ATRNL1: variants seen among roughly 807,000 people sequenced by gnomAD.
ATRNL1 encodes the protein attractin like 1, also known as attractin-like protein 1.
ATRNL1 carries 95 observed loss-of-function variants against 182.7 expected under a neutral mutation model. The ratio of observed to expected loss-of-function variants is 0.52; its 90% CI spans 0.44 to 0.62. The LOEUF is 0.62. Ranked by LOEUF, ATRNL1 falls within the 20% of genes least tolerant of loss-of-function variation. The pLI, the probability that ATRNL1 is intolerant of heterozygous loss-of-function variation, is 0.00. For missense variants in ATRNL1, 1,471 were observed against 1,679.5 expected (o/e 0.88, Z 2.17); for synonymous variants, 576 against 568.3 (o/e 1.01, Z -0.19).
In ATRNL1 at chr10:115,492,990, A is replaced by G. The variant is rs572620584; in HGVS notation, c.3654+23661A>G. Reference sequence around the variant, plus strand: ...AAATGTTCATTAGCTTCATTTTGTCATTCATATGTATATGTAAAACAACAT... The same window carrying G: ...AAATGTTCATTAGCTTCATTTTGTCGTTCATATGTATATGTAAAACAACAT... On this transcript the variant is annotated intron_variant, in intron 24 of 28. Transcript: ENST00000355044. Among the ~76,000 whole-genome samples, 4 of 152,274 alleles carry G rather than the reference A, an allele frequency of 2.6e-5. No homozygotes were observed. In the South Asian group the frequency reaches 8.3e-4, roughly 32 times the overall value.
chr10:115,131,660 T>G (rs1554875213), intron 5 of ATRNL1, among the ~76,000 whole-genome samples: 1 of 152,178 alleles, frequency 6.6e-6, no homozygotes, highest in Admixed American at 6.5e-5. Context: ...CATGTGAAAA[T>G]GCGGACTGCC....
chr10:115,720,677 A>T (rs781657463), intron 26 of ATRNL1, among the ~76,000 whole-genome samples: 1 of 152,210 alleles, frequency 6.6e-6, no homozygotes, highest in Non-Finnish European at 1.5e-5. Flanking sequence ...GTGGCATTGC[A>T]TATACACCAA....
At chr10:115,551,767 T>A (rs1456500273) in intron 26 of ATRNL1, among the ~76,000 whole-genome samples, 3 of 151,518 alleles carry the variant, frequency 2.0e-5, no homozygotes, top group African/African-American at 7.2e-5. Context: ...TCTTTGATGA[T>A]TATTAAAGAT....
At chr10:115,844,296 G>A (rs1222579697) in intron 27 of ATRNL1, among the ~76,000 whole-genome samples, 2 of 152,038 alleles carry the variant, frequency 1.3e-5, no homozygotes, top group Admixed American at 1.3e-4. Context: ...GTGATTTACA[G>A]AAGTGAATCC....
intron 27 of ATRNL1, among the ~76,000 whole-genome samples, chr10:115,769,670 A>G (rs187368103): frequency 6.6e-6 from 1 of 152,156 alleles, no homozygotes; most frequent in African/African-American, 2.4e-5. Flanking sequence ...CAGATCTATC[A>G]TCTGATAACT....
At chr10:115,097,657 G>GTC (rs782279953) in intron 1 of ATRNL1, among the ~76,000 whole-genome samples, 7 of 152,174 alleles carry the variant, frequency 4.6e-5, no homozygotes, top group Admixed American at 6.5e-5. Flanking sequence ...CTGGCTTGGT[G>GTC]TCTCACGCCT....
At chr10:115,127,759 T>C in intron 4 of ATRNL1, 38 bp downstream of exon 4, 1 of 1,308,308 alleles carries the variant, frequency 7.6e-7, no homozygotes, top group South Asian at 1.9e-5. Flanking sequence ...TTAATGATTC[T>C]TGTAATTTAA....
chr10:115,163,218 C>T (rs1223044151), intron 6 of ATRNL1, among the ~76,000 whole-genome samples: 11 of 151,430 alleles, frequency 7.3e-5, no homozygotes, highest in African/African-American at 1.9e-4. Context: ...TGTTATTCTT[C>T]GGCTTATCAA....
chr10:115,337,676 T>G (rs1039422302), intron 19 of ATRNL1, among the ~76,000 whole-genome samples: 1 of 152,218 alleles, frequency 6.6e-6, no homozygotes, highest in Non-Finnish European at 1.5e-5. Flanking sequence ...CTTATTTCAC[T>G]TAACATAGTG....
intron 25 of ATRNL1, among the ~76,000 whole-genome samples, 170 bp downstream of exon 25, chr10:115,519,494 G>T (rs1850809101): frequency 6.6e-6 from 1 of 152,054 alleles, no homozygotes; most frequent in African/African-American, 2.4e-5. Context: ...TAACATAGCT[G>T]AAATGTACTT....
chr10:115,856,998 C>CTCCTTT (rs1204165936), intron 28 of ATRNL1, among the ~76,000 whole-genome samples: 1 of 152,138 alleles, frequency 6.6e-6, no homozygotes, highest in African/African-American at 2.4e-5. Context: ...AGACCAGCCT[C>CTCCTTT]TCCTTTTCCT....
At position 115,945,329 on chromosome 10, in the gene ATRNL1, C is replaced by G. The variant is rs1203645694; in HGVS notation, c.*550C>G. 1 of 152,138 alleles carries G rather than the reference C, an allele frequency of 6.6e-6. No homozygotes were observed. Among genetic ancestry groups the G allele is most frequent in the Non-Finnish European group, 1.5e-5 (1 of 68,040 alleles). 9.4% of individuals were successfully genotyped at this position (152,138 alleles called of 1,614,324 possible). A position where few individuals can be genotyped will look rare whatever the true frequency, so the allele number is the denominator to read the frequency against. The stretch of plus-strand genomic sequence containing the variant: ...CATATGACCATATCGTGTCCAAACT[C>G]AGTCTGAGAATGTGACAGCTTTCCG... On this transcript the variant is annotated 3_prime_UTR_variant, in exon 29 of 29. Coordinates refer to ENST00000355044, the MANE Select transcript of ATRNL1 (RefSeq NM_207303.4).
At chr10:115,910,320 G>A (rs1443279126) in intron 28 of ATRNL1, among the ~76,000 whole-genome samples, 1 of 152,152 alleles carries the variant, frequency 6.6e-6, no homozygotes, top group African/African-American at 2.4e-5. Flanking sequence ...TGTGTCAAGG[G>A]CACTCAATTT....
intron 27 of ATRNL1, among the ~76,000 whole-genome samples, chr10:115,843,509 G>A (rs1466194295): frequency 1.3e-5 from 2 of 152,082 alleles, no homozygotes; most frequent in East Asian, 1.9e-4. Flanking sequence ...TTTGAGGGAC[G>A]CATAAGATCA....
intron 28 of ATRNL1, among the ~76,000 whole-genome samples, chr10:115,872,494 G>A (rs1555106332): frequency 1.3e-5 from 2 of 151,960 alleles, no homozygotes; most frequent in South Asian, 2.1e-4. Flanking sequence ...AAATTCAAAC[G>A]GACAAAAAAA....
At position 115,739,326 on chromosome 10, in the gene ATRNL1, A is replaced by G. The variant is rs556895414; in HGVS notation, c.3903+11971A>G. ...GCATCCTTGCAAGTAAGAAATGGCTATGTAAAGTAAGACTATAATATCCTT... is the reference window on the plus strand; with the variant it reads ...GCATCCTTGCAAGTAAGAAATGGCTGTGTAAAGTAAGACTATAATATCCTT... On this transcript the variant is annotated intron_variant, in intron 27 of 28. Transcript: ENST00000355044. Among the ~76,000 whole-genome samples the G allele has an allele frequency of 2.7e-4, 41 of 152,354 alleles. 1 individual carries two copies. In the South Asian group the frequency reaches 7.5e-3, roughly 28 times the overall value.
At chr10:115,502,067 G>A (rs1849870944) in intron 24 of ATRNL1, among the ~76,000 whole-genome samples, 1 of 152,074 alleles carries the variant, frequency 6.6e-6, no homozygotes, top group Non-Finnish European at 1.5e-5. Flanking sequence ...AATTTGTTAT[G>A]TCTGTGGCAC....
At chr10:115,817,788 TTTAA>T (rs1404013727) in intron 27 of ATRNL1, among the ~76,000 whole-genome samples, 1 of 151,946 alleles carries the variant, frequency 6.6e-6, no homozygotes, top group African/African-American at 2.4e-5. Context: ...TTGGTTTGTT[TTTAA>T]TTGAGAGATA....
rs553017234 is a variant in ATRNL1, at chr10:115,334,418, A to G, written c.3174A>G (p.Thr1058=). ...YGDPTNGGQC[T]ACTCSGHANI... ...ATCCAACCAATGGTGGACAGTGCAC[A>G]GGTAAGTTTCTTTTAAGCAAATTTT... The change falls in exon 19 of 29, where the codon ACA becomes ACG. Residue 1058 remains threonine (T), a splice_region_variant and synonymous_variant. Transcript: ENST00000355044. 2.6e-5 allele frequency: 39 copies of G among 1,529,384 alleles called. No homozygotes were observed. The highest frequency in any genetic ancestry group is 1.0e-4 in the Admixed American group (5 of 49,746). The allele number at this position is 1,529,384 out of a possible 1,614,324, so 94.7% of individuals were successfully genotyped here.
Sources: gnomAD v4.1 joint callset for allele counts (sites outside exome capture counted in the v4.1 genomes callset) on GRCh38, gnomAD v4.1.1 for gene constraint, MANE v1.5 for transcripts, NCBI Gene and HGNC (gene_info 2026-07-23, HGNC 2026-07-21) for gene names.